ALDH3A1: variants seen among roughly 807,000 people sequenced by gnomAD.
ALDH3A1 encodes aldehyde dehydrogenase 3 family member A1.
Under a neutral mutation model 49.9 loss-of-function variants are expected in ALDH3A1, and 46 were observed. That is an observed-to-expected ratio of 0.92 (90% CI 0.73 to 1.18). The LOEUF is 1.18. Ranked by LOEUF, ALDH3A1 falls within the 50% of genes most tolerant of loss-of-function variation. The pLI is 0.00. For missense variants in ALDH3A1, 592 were observed against 611.8 expected, an observed-to-expected ratio of 0.97 and a Z score of 0.34; for synonymous variants, 269 against 253.3, an observed-to-expected ratio of 1.06 and a Z score of -0.59.
intron 1 of ALDH3A1, among the ~76,000 whole-genome samples, chr17:19,746,911 G>GGCA (rs1465306836): frequency 6.6e-6 from 1 of 152,040 alleles, no homozygotes; most frequent in East Asian, 1.9e-4. Flanking sequence ...TTTTAAGATA[G>GGCA]GCACTACATG....
At chr17:19,740,571 G>T in intron 6 of ALDH3A1, 94 bp from the exon 7 acceptor site, 2 of 1,440,198 alleles carry the variant, frequency 1.4e-6, no homozygotes, top group Non-Finnish European at 1.9e-6. Context: ...CTGTCTTTGG[G>T]TGGTGGGATT....
Position 19,742,215 on chromosome 17 carries a change from T to C in ALDH3A1, c.481-3A>G. 6.2e-7 allele frequency: 1 copy of C among 1,613,704 alleles called. No individual in the cohort carries two copies. The highest frequency in any genetic ancestry group is 8.5e-7 in the Non-Finnish European group (1 of 1,179,778). On this transcript the variant is annotated splice_polypyrimidine_tract_variant and splice_region_variant and intron_variant, in intron 4 of 10. Coordinates refer to ENST00000225740, the MANE Select transcript of ALDH3A1 (RefSeq NM_000691.5). Reference sequence around the variant, plus strand: ...CCATTGATTACTGGGTACAGATCCTTCCATGCAAGGAGAGAGGGGAGGCTC... The same window carrying C: ...CCATTGATTACTGGGTACAGATCCTCCCATGCAAGGAGAGAGGGGAGGCTC...
Position 19,742,141 on chromosome 17 carries a change from G to C in ALDH3A1, c.552C>G (p.Ile184Met), listed in dbSNP as rs567741792. 6.2e-7 allele frequency: 1 copy of C among 1,614,072 alleles called. No individual in the cohort carries two copies. Among genetic ancestry groups the C allele is most frequent in the African/African-American group, 1.3e-5 (1 of 75,032 alleles). The change falls in exon 5 of 11, where the codon ATC (isoleucine) becomes ATG (methionine). Residue 184 changes from isoleucine to methionine, a missense_variant. Ile to Met is a conservative substitution (Grantham distance 10). Transcript: ENST00000225740. ...TELLKERFDHILYTGSTGVGK... is the reference protein window; with the variant it reads ...TELLKERFDHMLYTGSTGVGK... ...CCACCCCCGTGCTGCCCGTGTACAG[G>C]ATATGGTCGAACCTCTCCTTGAGCA...
chr17:19,742,089 T>G lies in ALDH3A1; in HGVS notation c.604A>C (p.Lys202Gln), dbSNP rs1597669324. 6.2e-7 allele frequency: 1 copy of G among 1,613,896 alleles called. No individual in the cohort carries two copies. ...VGKIIMTAAA[K>Q]HLTPVTLELG... Reference sequence around the variant, plus strand: ...TCCAGCGTGACAGGGGTCAGGTGCTTGGCAGCAGCCGTCATGATGATCTTC... The same window carrying G: ...TCCAGCGTGACAGGGGTCAGGTGCTGGGCAGCAGCCGTCATGATGATCTTC... Residue 202 changes from lysine to glutamine, a missense_variant, in exon 5 of 11, where the codon AAG (lysine) becomes CAG (glutamine). Coordinates refer to ENST00000225740, the MANE Select transcript of ALDH3A1 (RefSeq NM_000691.5).
At position 19,742,015 on chromosome 17, in the gene ALDH3A1, G is replaced by A. The variant is rs377674119; in HGVS notation, c.678C>T (p.Asp226=). The A allele has an allele frequency of 4.5e-5, 73 of 1,613,672 alleles. No homozygotes were observed. The highest frequency in any genetic ancestry group is 1.2e-4 in the African/African-American group (9 of 74,902). ...CCCGTGCCTCTCACCGGCAGGCCAC[G>A]TCCAGGTCACAGTTCTTGTCCACGT... is the stretch of plus-strand genomic sequence containing the variant. ...PCYVDKNCDL[D]VACRRIAWGK... Residue 226 remains aspartate, a synonymous_variant, in exon 5 of 11, where the codon GAC becomes GAT. Transcript: ENST00000225740.
At chr17:19,746,214 C>T (rs2086592876) in intron 1 of ALDH3A1, among the ~76,000 whole-genome samples, 1 of 152,134 alleles carries the variant, frequency 6.6e-6, no homozygotes, top group African/African-American at 2.4e-5. Context: ...CATGGTGAAA[C>T]CCTGTCTCTA....
At position 19,738,036 on chromosome 17, in the gene ALDH3A1, G is replaced by C; in HGVS notation, c.*185C>G. 6.6e-7 allele frequency: 1 copy of C among 1,521,026 alleles called. No individual in the cohort carries two copies. 94.2% of individuals were successfully genotyped at this position (1,521,026 alleles called of 1,614,324 possible). On this transcript the variant is annotated 3_prime_UTR_variant, in exon 11 of 11. Coordinates refer to ENST00000225740, the MANE Select transcript of ALDH3A1 (RefSeq NM_000691.5). ...CTCTTTATTGGTCTAGAAAGGGGTG[G>C]AGACTTGGAATGGTGAGGCCTGGGC...
intron 3 of ALDH3A1, chr17:19,742,990 C>G (rs1358285398): frequency 6.5e-7 from 1 of 1,530,324 alleles, no homozygotes; most frequent in South Asian, 1.2e-5. Flanking sequence ...GCTCCAGCCC[C>G]CCAACAGGGG....
In ALDH3A1 at chr17:19,748,249, A is replaced by C; in HGVS notation, c.-6+10T>G. ...AGAGAAAAAATAAGGAATGCAGGGAAGAGGATTACCTTTGACACAGCCTCT... is the reference window on the plus strand; with the variant it reads ...AGAGAAAAAATAAGGAATGCAGGGACGAGGATTACCTTTGACACAGCCTCT... On this transcript the variant is annotated intron_variant, in intron 1 of 10. Transcript: ENST00000225740. This position sits in a 1 kb window ranked among gnomAD's most constrained non-coding sequence, Gnocchi z 4.4. The C allele has an allele frequency of 2.0e-6, 1 of 490,914 alleles. No homozygotes were observed. The highest frequency in any genetic ancestry group is 4.1e-6 in the Non-Finnish European group (1 of 243,956). 30.4% of individuals were successfully genotyped at this position (490,914 alleles called of 1,614,324 possible). A position where few individuals can be genotyped will look rare whatever the true frequency, so the allele number is the denominator to read the frequency against.
At position 19,738,115 on chromosome 17, in the gene ALDH3A1, G is replaced by A; in HGVS notation, c.*106C>T. 1 of 1,601,510 alleles carries A rather than the reference G, an allele frequency of 6.2e-7. No individual in the cohort carries two copies. The highest frequency in any genetic ancestry group is 1.7e-4 in the Middle Eastern group (1 of 5,792). ...AGCAGGTCAGCAGAGGAGTGGGGCT[G>A]GGCTGGGGCTGCAGGAGCGATTCTC... On this transcript the variant is annotated 3_prime_UTR_variant, in exon 11 of 11. Coordinates refer to ENST00000225740, the MANE Select transcript of ALDH3A1 (RefSeq NM_000691.5).
Position 19,743,365 on chromosome 17 carries a change from C to T in ALDH3A1, c.261G>A (p.Val87=). ...CCTGCTGAGTCTGGGGCGTCTTCTC[C>T]ACGGGCTCATCCGCGGCCCACTCAG... is the stretch of plus-strand genomic sequence containing the variant. The part of the protein sequence containing the change: ...KLPEWAADEP[V]EKTPQTQQDE... Residue 87 remains valine, a synonymous_variant, in exon 3 of 11, where the codon GTG becomes GTA. Coordinates refer to ENST00000225740, the MANE Select transcript of ALDH3A1 (RefSeq NM_000691.5). This position sits in a 1 kb window ranked among gnomAD's most constrained non-coding sequence, Gnocchi z 4.4. 6.2e-7 allele frequency: 1 copy of T among 1,614,158 alleles called. No individual in the cohort carries two copies. The highest frequency in any genetic ancestry group is 8.5e-7 in the Non-Finnish European group (1 of 1,180,024).
intron 4 of ALDH3A1, 68 bp downstream of exon 4, chr17:19,742,477 C>A (rs2086513808): frequency 6.6e-7 from 1 of 1,518,744 alleles, no homozygotes; most frequent in East Asian, 2.3e-5. Flanking sequence ...TATTTCTCAC[C>A]CCCCAAAGAC....
At chr17:19,744,607 C>T in intron 2 of ALDH3A1, 1 of 985,386 alleles carries the variant, frequency 1.0e-6, no homozygotes, top group Non-Finnish European at 1.2e-6. Context: ...CCCCCATGCC[C>T]TCCGGGGTGC....
chr17:19,739,289 C>T (rs557774317), intron 8 of ALDH3A1, among the ~76,000 whole-genome samples, 194 bp from the exon 9 acceptor site: 11 of 152,348 alleles, frequency 7.2e-5, no homozygotes, highest in Middle Eastern at 3.4e-3. Context: ...TGACAGCAGC[C>T]GCCCCCATGC....
At chr17:19,742,927 A>G (rs1221837104) in intron 3 of ALDH3A1, 1 of 1,523,814 alleles carries the variant, frequency 6.6e-7, no homozygotes, top group East Asian at 2.5e-5. Flanking sequence ...GGTTGGTAGA[A>G]CAGCGCTGGC....
intron 6 of ALDH3A1, 63 bp downstream of exon 6, chr17:19,741,030 G>A (rs1597667392): frequency 1.6e-6 from 2 of 1,281,590 alleles, no homozygotes; most frequent in East Asian, 2.3e-5. Flanking sequence ...GTTGGTTAAG[G>A]GGCCAGGCCC....
chr17:19,742,646 A>T lies in ALDH3A1; in HGVS notation c.395-16T>A. On this transcript the variant is annotated splice_polypyrimidine_tract_variant and intron_variant, in intron 3 of 10. Coordinates refer to ENST00000225740, the MANE Select transcript of ALDH3A1 (RefSeq NM_000691.5). ...ACTGAGTTCCCTGCAGAGCACACCG[A>T]GCCAGGCCTATGCCCAGGGTACTTC... 6.2e-7 allele frequency: 1 copy of T among 1,613,798 alleles called. No homozygotes were observed. Among genetic ancestry groups the T allele is most frequent in the Non-Finnish European group, 8.5e-7 (1 of 1,179,992 alleles).
chr17:19,738,525 G>T (rs1567649178), intron 9 of ALDH3A1, 72 bp from the exon 10 acceptor site: 1 of 1,573,508 alleles, frequency 6.4e-7, no homozygotes, highest in Non-Finnish European at 8.7e-7. Flanking sequence ...TCTCCACCTT[G>T]TTGGGTGTAT....
intron 3 of ALDH3A1, chr17:19,742,982 T>C (rs1299114061): frequency 6.5e-7 from 1 of 1,528,772 alleles, no homozygotes; most frequent in Admixed American, 2.0e-5. Context: ...TGACAGAAGC[T>C]CCAGCCCCCC....
Sources: gnomAD v4.1 joint callset for allele counts (sites outside exome capture counted in the v4.1 genomes callset) on GRCh38, gnomAD v4.1.1 for gene constraint, Gnocchi (gnomAD v3.1) non-coding constraint, MANE v1.5 for transcripts, NCBI Gene and HGNC (gene_info 2026-07-23, HGNC 2026-07-21) for gene names.